ATP2B1: variants seen among roughly 807,000 people sequenced by gnomAD.
ATP2B1 encodes the protein ATPase plasma membrane Ca2+ transporting 1.
A neutral mutation model predicts 124.2 loss-of-function variants in ATP2B1; 14 were observed. That is an observed-to-expected ratio of 0.11 (90% CI 0.07 to 0.18). The LOEUF (loss-of-function observed/expected upper bound fraction) is 0.18. Ranked by LOEUF, ATP2B1 falls within the 10% of genes least tolerant of loss-of-function variation. The probability of loss-of-function intolerance (pLI) is 1.00; values close to 1 mark genes in which losing one functional copy is unlikely to be tolerated. For synonymous variants in ATP2B1, 449 were observed against 492.4 expected (o/e 0.91, Z 1.17); for missense variants, 763 against 1,466.1 (o/e 0.52, Z 7.83).
chr12:89,681,952 G>C (rs768249406), intron 1 of ATP2B1, among the ~76,000 whole-genome samples: 1 of 152,028 alleles, frequency 6.6e-6, no homozygotes, highest in African/African-American at 2.4e-5. Context: ...ATAAGAATTA[G>C]GAAGGAAAAA....
At chr12:89,597,342 T>C (rs1874816745) in intron 20 of ATP2B1, among the ~76,000 whole-genome samples, 1 of 152,188 alleles carries the variant, frequency 6.6e-6, no homozygotes, top group African/African-American at 2.4e-5. Context: ...GTAAATTTAA[T>C]ATCTTAATGT....
At chr12:89,687,556 C>G (rs935872677) in intron 1 of ATP2B1, among the ~76,000 whole-genome samples, 29 of 151,840 alleles carry the variant, frequency 1.9e-4, no homozygotes, top group African/African-American at 6.3e-4. Flanking sequence ...GGAATTAATC[C>G]CCCATGGAAA....
intron 15 of ATP2B1, among the ~76,000 whole-genome samples, chr12:89,604,890 G>A (rs1876541140): frequency 1.3e-5 from 2 of 150,726 alleles, no homozygotes; most frequent in South Asian, 4.2e-4. Context: ...GCAGATTTAC[G>A]TGGCACTGGA....
intron 1 of ATP2B1, among the ~76,000 whole-genome samples, chr12:89,677,317 G>T (rs1888738131): frequency 6.6e-6 from 1 of 152,048 alleles, no homozygotes; most frequent in Non-Finnish European, 1.5e-5. Context: ...ATTGTATGCT[G>T]GGAAGCGGGA....
intron 1 of ATP2B1, among the ~76,000 whole-genome samples, chr12:89,700,377 T>C (rs2136850552): frequency 6.6e-6 from 1 of 152,294 alleles, no homozygotes; most frequent in East Asian, 1.9e-4. Context: ...TTCTCCGCTA[T>C]GGTATTAGTT....
At chr12:89,629,302 T>G (rs1453457399) in intron 6 of ATP2B1, among the ~76,000 whole-genome samples, 1 of 152,188 alleles carries the variant, frequency 6.6e-6, no homozygotes, top group Non-Finnish European at 1.5e-5. Context: ...CTCAGTTTAC[T>G]TATCAGTAAA....
At chr12:89,651,414 T>C (rs750500688) in intron 2 of ATP2B1, among the ~76,000 whole-genome samples, 7 of 151,566 alleles carry the variant, frequency 4.6e-5, no homozygotes, top group Non-Finnish European at 8.8e-5. Context: ...GCCTCCTGAG[T>C]AGCTGGAACC....
chr12:89,630,306 T>C (rs1881641625), intron 6 of ATP2B1, among the ~76,000 whole-genome samples, 199 bp downstream of exon 6: 1 of 152,200 alleles, frequency 6.6e-6, no homozygotes, highest in African/African-American at 2.4e-5. Flanking sequence ...AGTATTCAAG[T>C]AGATGCTGAA....
rs1261720595 is a variant in ATP2B1 at position 89,599,315 on chromosome 12, A to C, written c.3169-16T>G. The C allele has an allele frequency of 6.2e-7, 1 of 1,611,044 alleles. No homozygotes were observed. The highest frequency in any genetic ancestry group is 1.1e-5 in the South Asian group (1 of 90,728). Reference sequence around the variant, plus strand: ...TTGAAATAAGCTACAACACAGGGGAATGAACTTAGAAATAAATCATATCAA... The same window carrying C: ...TTGAAATAAGCTACAACACAGGGGACTGAACTTAGAAATAAATCATATCAA... On this transcript the variant is annotated splice_polypyrimidine_tract_variant and intron_variant, in intron 19 of 20. Transcript: ENST00000428670.
At chr12:89,707,028 A>C in intron 1 of ATP2B1, among the ~76,000 whole-genome samples, 1 of 152,286 alleles carries the variant, frequency 6.6e-6, no homozygotes, top group East Asian at 1.9e-4. Flanking sequence ...TTAAAAAAAA[A>C]ATGTTTCTAT....
intron 11 of ATP2B1, among the ~76,000 whole-genome samples, chr12:89,619,644 G>C (rs1442709561): frequency 7.0e-6 from 1 of 143,436 alleles, no homozygotes; most frequent in Admixed American, 6.9e-5. Context: ...AAGAAAGAAA[G>C]AAAGACATAA....
rs1885923062 is a variant in ATP2B1 at position 89,656,119 on chromosome 12, A to T, written c.-221-12T>A. On this transcript the variant is annotated splice_polypyrimidine_tract_variant and intron_variant, in intron 1 of 20. Coordinates refer to ENST00000428670, the MANE Select transcript of ATP2B1 (RefSeq NM_001366521.1). ...TGAGATATACACATCTGTAAGAAGA[A>T]AATATTTAAAAGTTAATAAAATCTA... 2.3e-6 allele frequency: 1 copy of T among 435,836 alleles called. No homozygotes were observed. Among genetic ancestry groups the T allele is most frequent in the Non-Finnish European group, 4.1e-6 (1 of 246,910 alleles). 27.0% of individuals were successfully genotyped at this position (435,836 alleles called of 1,614,324 possible).
chr12:89,635,030 T>A lies in ATP2B1; in HGVS notation c.628A>T (p.Ile210Phe). ...GQVIQIPVAD[I>F]TVGDIAQVKY... Reference sequence around the variant, plus strand: ...ACTTGAGCAATATCTCCAACAGTAATGTCAGCTACAGGTATCTGAATGACC... The same window carrying A: ...ACTTGAGCAATATCTCCAACAGTAAAGTCAGCTACAGGTATCTGAATGACC... The change falls in exon 4 of 21, where the codon ATT (isoleucine) becomes TTT (phenylalanine). Residue 210 changes from isoleucine (I) to phenylalanine (F), a missense_variant. Around this residue, in one of 7 missense-constraint regions of ATP2B1, gnomAD observed 392 missense variants for 776.6 expected, o/e 0.50. Coordinates refer to ENST00000428670, the MANE Select transcript of ATP2B1 (RefSeq NM_001366521.1). The A allele has an allele frequency of 6.2e-7, 1 of 1,614,020 alleles. No individual in the cohort carries two copies. Among genetic ancestry groups the A allele is most frequent in the East Asian group, 2.2e-5 (1 of 44,874 alleles).
intron 20 of ATP2B1, among the ~76,000 whole-genome samples, chr12:89,595,787 G>C (rs1003900752): frequency 6.6e-6 from 1 of 152,016 alleles, no homozygotes; most frequent in African/African-American, 2.4e-5. Flanking sequence ...GGTGTATAAT[G>C]ACAACTGTAT....
intron 1 of ATP2B1, among the ~76,000 whole-genome samples, chr12:89,687,015 A>T (rs889164845): frequency 6.6e-6 from 1 of 152,058 alleles, no homozygotes; most frequent in South Asian, 2.1e-4. Flanking sequence ...TCGGGGGGAA[A>T]AAAAAGGATG....
chr12:89,701,260 A>G (rs1891820360), intron 1 of ATP2B1, among the ~76,000 whole-genome samples: 1 of 152,142 alleles, frequency 6.6e-6, no homozygotes, highest in African/African-American at 2.4e-5. Context: ...TTCAAAACTC[A>G]GCATTACTCC....
rs1884564597 is a variant in ATP2B1, at chr12:89,647,095, T to G, written c.209-4740A>C. 2.0e-5 allele frequency among the ~76,000 whole-genome samples: 3 copies of G among 152,218 alleles called. No homozygotes were observed. In the South Asian group the frequency reaches 6.2e-4, roughly 32 times the overall value. On this transcript the variant is annotated intron_variant, in intron 2 of 20. Transcript: ENST00000428670. ...CTGGCAAAGAAATTACTGGTCCTAG[T>G]TTTAAAAATATAAATAATGATATCA... is the stretch of plus-strand genomic sequence containing the variant.
chr12:89,643,615 T>C (rs1180576685), intron 2 of ATP2B1, among the ~76,000 whole-genome samples: 3 of 152,224 alleles, frequency 2.0e-5, no homozygotes, highest in African/African-American at 7.2e-5. Context: ...ACAGAGCTAG[T>C]TGGATGAACA....
chr12:89,670,742 T>TA (rs1444943358), intron 1 of ATP2B1, among the ~76,000 whole-genome samples: 1 of 151,396 alleles, frequency 6.6e-6, no homozygotes, highest in African/African-American at 2.4e-5. Flanking sequence ...GGCTTAACAA[T>TA]CAAAAAAATT....
Sources: allele counts gnomAD v4.1 joint callset (sites outside exome capture counted in the v4.1 genomes callset), GRCh38; gene constraint gnomAD v4.1.1; regional missense constraint gnomAD v4.1.1; transcripts MANE v1.5; gene names NCBI Gene and HGNC (gene_info 2026-07-23, HGNC 2026-07-21).